Variants in HPSE2 observed in about 807,000 individuals in gnomAD.
The protein encoded by HPSE2 is inactive heparanase-2.
A neutral mutation model predicts 60.5 loss-of-function variants in HPSE2; 38 were observed. The ratio of observed to expected loss-of-function variants is 0.63; its 90% CI spans 0.48 to 0.82. HPSE2 has a LOEUF of 0.82. HPSE2 is among the 40% of genes least tolerant of loss of function. The pLI, the probability that HPSE2 is intolerant of heterozygous loss-of-function variation, is 0.00. For synonymous variants in HPSE2, 295 were observed against 293.2 expected, an observed-to-expected ratio of 1.01 and a Z score of -0.06; for missense variants, 713 against 740.4, an observed-to-expected ratio of 0.96 and a Z score of 0.43.
At chr10:98,818,754 AT>A (rs1449752149) in intron 3 of HPSE2, among the ~76,000 whole-genome samples, 1 of 152,228 alleles carries the variant, frequency 6.6e-6, no homozygotes, top group Non-Finnish European at 1.5e-5. Flanking sequence ...TGAAATCGTT[AT>A]CAAGGAAAAC....
At position 99,200,020 on chromosome 10, in the gene HPSE2, A is replaced by C. The variant is rs117429090; in HGVS notation, c.448+32328T>G. On this transcript the variant is annotated intron_variant, in intron 2 of 11. Coordinates refer to ENST00000370552, the MANE Select transcript of HPSE2 (RefSeq NM_021828.5). ...CACCTCCTTAAGTTTATTCCTAAAT[A>C]TTTTACCCTCTTTGATGCTATTGTA... Among the ~76,000 whole-genome samples, 538 of 152,180 alleles carry C rather than the reference A, an allele frequency of 3.5e-3. 1 individual carries two copies. Among genetic ancestry groups the C allele is most frequent in the African/African-American group, 0.012 (479 of 41,544 alleles).
intron 6 of HPSE2, among the ~76,000 whole-genome samples, chr10:98,676,856 CT>C (rs1276106936): frequency 1.3e-5 from 2 of 151,998 alleles, no homozygotes; most frequent in African/African-American, 4.8e-5. Flanking sequence ...AAACAAATCA[CT>C]CTTTTTGCTT....
intron 3 of HPSE2, among the ~76,000 whole-genome samples, chr10:99,110,265 A>G (rs1364790692): frequency 6.6e-6 from 1 of 152,176 alleles, no homozygotes; most frequent in Admixed American, 6.5e-5. Flanking sequence ...GCAGCTGGAG[A>G]GCCTAGTTGG....
At chr10:98,889,718 T>C (rs1564635235) in intron 3 of HPSE2, among the ~76,000 whole-genome samples, 1 of 152,204 alleles carries the variant, frequency 6.6e-6, no homozygotes, top group African/African-American at 2.4e-5. Flanking sequence ...TGAACTTGAA[T>C]TAATTAATCA....
chr10:98,479,137 C>T (rs975904940), intron 11 of HPSE2, among the ~76,000 whole-genome samples: 1 of 152,180 alleles, frequency 6.6e-6, no homozygotes, highest in African/African-American at 2.4e-5. Flanking sequence ...ACCCCATGTC[C>T]TCGAGCAATC....
intron 3 of HPSE2, among the ~76,000 whole-genome samples, chr10:99,022,378 C>T (rs1196694923): frequency 6.6e-6 from 1 of 152,152 alleles, no homozygotes; most frequent in Non-Finnish European, 1.5e-5. Context: ...GGGAGGGCTA[C>T]AGCACTCTGT....
At chr10:99,306,997 A>G in the HPSE2 span, among the ~76,000 whole-genome samples, 1 of 152,216 alleles carries the variant, frequency 6.6e-6, no homozygotes, top group African/African-American at 2.4e-5. Flanking sequence ...GGTGTGAGCC[A>G]CCATGCCTGG....
intron 3 of HPSE2, among the ~76,000 whole-genome samples, chr10:98,988,111 C>T (rs531114433): frequency 1.3e-5 from 2 of 152,290 alleles, no homozygotes; most frequent in African/African-American, 4.8e-5. Flanking sequence ...ATCAAGCTAC[C>T]AATGACTTTC....
At chr10:99,224,877 A>C (rs1849422896) in intron 2 of HPSE2, among the ~76,000 whole-genome samples, 1 of 152,094 alleles carries the variant, frequency 6.6e-6, no homozygotes, top group Non-Finnish European at 1.5e-5. Context: ...GATTCGCTGA[A>C]ATTAATTAAG....
chr10:98,613,076 G>A (rs1335995975), intron 9 of HPSE2, among the ~76,000 whole-genome samples: 1 of 152,086 alleles, frequency 6.6e-6, no homozygotes, highest in Non-Finnish European at 1.5e-5. Flanking sequence ...ACTGTCATTG[G>A]CTCTTGGCTT....
chr10:98,484,363 T>C lies in HPSE2; in HGVS notation c.1467-1581A>G, dbSNP rs182964648. ...GGCAATTCTCCTGCCTCAGCCTCCC[T>C]GGTAGCTGAGATTACAGGCGTGCGC... On this transcript the variant is annotated intron_variant, in intron 10 of 11. Coordinates refer to ENST00000370552, the MANE Select transcript of HPSE2 (RefSeq NM_021828.5). 6.2e-4 allele frequency among the ~76,000 whole-genome samples: 94 copies of C among 152,250 alleles called. 1 individual carries two copies. Among genetic ancestry groups the C allele is most frequent in the African/African-American group, 1.9e-3 (77 of 41,568 alleles).
chr10:99,033,424 G>C (rs1011962036), intron 3 of HPSE2, among the ~76,000 whole-genome samples: 1 of 152,070 alleles, frequency 6.6e-6, no homozygotes, highest in African/African-American at 2.4e-5. Flanking sequence ...TTCAACAACA[G>C]TCATTAGGGA....
intron 7 of HPSE2, among the ~76,000 whole-genome samples, chr10:98,636,798 G>C (rs1471373521): frequency 6.6e-6 from 1 of 152,140 alleles, no homozygotes. Context: ...TGTGCTTATT[G>C]AATTACTGAA....
rs548749386 is a variant in HPSE2 at position 98,925,978 on chromosome 10, T to G, written c.611-181922A>C. ...TTTTCAACCTCTGAGTCTTCTTACA[T>G]GTTTTTTATATATAATATTTAGAGT... On this transcript the variant is annotated intron_variant, in intron 3 of 11. Transcript: ENST00000370552. 2.1e-4 allele frequency among the ~76,000 whole-genome samples: 32 copies of G among 152,256 alleles called. 2 individuals carry two copies. In the South Asian group the frequency reaches 6.2e-3, roughly 30 times the overall value.
chr10:98,755,097 C>A (rs1396517197), intron 3 of HPSE2, among the ~76,000 whole-genome samples: 1 of 152,008 alleles, frequency 6.6e-6, no homozygotes, highest in Non-Finnish European at 1.5e-5. Context: ...GATAAAGAAG[C>A]AAGACCCAAC....
At chr10:99,268,574 A>G in the HPSE2 span, among the ~76,000 whole-genome samples, 2 of 151,258 alleles carry the variant, frequency 1.3e-5, no homozygotes, top group Non-Finnish European at 2.9e-5. Context: ...TGAACCTGGG[A>G]GACAGAGGTT....
At chr10:99,305,969 G>GCACACACACACA in the HPSE2 span, among the ~76,000 whole-genome samples, 16 of 50,920 alleles carry the variant, frequency 3.1e-4, no homozygotes, top group East Asian at 3.6e-3. Context: ...ACACGCGCGC[G>GCACACACACACA]CGCGCGCGCG....
At chr10:98,669,412 T>C (rs1199895292) in intron 6 of HPSE2, among the ~76,000 whole-genome samples, 1 of 152,220 alleles carries the variant, frequency 6.6e-6, no homozygotes, top group Non-Finnish European at 1.5e-5. Context: ...TAAATCGTTC[T>C]ACCAAAAAGA....
At chr10:98,947,791 T>C (rs1955231641) in intron 3 of HPSE2, among the ~76,000 whole-genome samples, 1 of 152,122 alleles carries the variant, frequency 6.6e-6, no homozygotes, top group African/African-American at 2.4e-5. Context: ...CACCTTTTAG[T>C]TGTACAATAA....
Sources: allele counts gnomAD v4.1 joint callset (sites outside exome capture counted in the v4.1 genomes callset), GRCh38; gene constraint gnomAD v4.1.1; transcripts MANE v1.5; gene names NCBI Gene and HGNC (gene_info 2026-07-23, HGNC 2026-07-21).